ZNF292: variants seen among roughly 807,000 people sequenced by gnomAD.
ZNF292 encodes 16 zinc-finger domain protein.
In ZNF292, 26 loss-of-function variants were observed where a neutral mutation model predicts 217.9. That is an observed-to-expected ratio of 0.12 (90% CI 0.09 to 0.17). ZNF292 has a LOEUF of 0.17. Ranked by LOEUF, ZNF292 falls within the 10% of genes least tolerant of loss-of-function variation. The pLI is 1.00. For synonymous variants in ZNF292, 1,257 were observed against 1,124.1 expected (o/e 1.12, Z -2.37); for missense variants, 2,904 against 3,175.2 (o/e 0.91, Z 2.05).
In ZNF292 at chr6:87,255,162, T is replaced by A. The variant is rs189050998; in HGVS notation, c.1533T>A (p.Ile511=). The A allele has an allele frequency of 5.0e-6, 8 of 1,613,736 alleles. No individual in the cohort carries two copies. In the African/African-American group the frequency reaches 5.3e-5, roughly 11 times the overall value. Residue 511 remains isoleucine, a synonymous_variant, in exon 8 of 8, where the codon ATT becomes ATA. Transcript: ENST00000369577. ...VGANSGLLKD[I]GDEKQKKREI... is the part of the protein sequence containing the mutation. ...CTAATTCTGGCCTTCTTAAAGACATTGGTGATGAAAAGCAGAAGAAGAGAG... is the reference window on the plus strand; with the variant it reads ...CTAATTCTGGCCTTCTTAAAGACATAGGTGATGAAAAGCAGAAGAAGAGAG...
chr6:87,193,836 G>T (rs1316212826), intron 1 of ZNF292, among the ~76,000 whole-genome samples: 1 of 152,150 alleles, frequency 6.6e-6, no homozygotes, highest in Non-Finnish European at 1.5e-5. Context: ...TCCCATTAAT[G>T]TGTATGCAGA....
At chr6:87,180,665 G>A (rs1771445753) in intron 1 of ZNF292, among the ~76,000 whole-genome samples, 1 of 129,294 alleles carries the variant, frequency 7.7e-6, no homozygotes, top group Admixed American at 8.2e-5. Flanking sequence ...GCTCAACCTC[G>A]AGCCCCTTAA....
intron 1 of ZNF292, among the ~76,000 whole-genome samples, chr6:87,206,383 A>G (rs1562139555): frequency 6.6e-6 from 1 of 152,160 alleles, no homozygotes; most frequent in Non-Finnish European, 1.5e-5. Context: ...AAAGAATAGT[A>G]CCATGAATAC....
intron 1 of ZNF292, among the ~76,000 whole-genome samples, chr6:87,157,829 C>T (rs763666209): frequency 6.6e-6 from 1 of 152,208 alleles, no homozygotes; most frequent in African/African-American, 2.4e-5. Flanking sequence ...ACTGGGACTA[C>T]AGGCGTGCGC....
chr6:87,171,146 T>A (rs1771081923), intron 1 of ZNF292, among the ~76,000 whole-genome samples: 1 of 152,210 alleles, frequency 6.6e-6, no homozygotes, highest in African/African-American at 2.4e-5. Context: ...TAATAATTTA[T>A]AAAAGATACT....
At position 87,259,439 on chromosome 6, in the gene ZNF292, T is replaced by C. The variant is rs1775433694; in HGVS notation, c.5810T>C (p.Ile1937Thr). 6.3e-7 allele frequency: 1 copy of C among 1,593,292 alleles called. No homozygotes were observed. Among genetic ancestry groups the C allele is most frequent in the Non-Finnish European group, 8.6e-7 (1 of 1,168,586 alleles). ...TACACTCCAGAAATGATTCTTGAAATTAAGAAGAATCAATTGAAATTTGCT... is the reference window on the plus strand; with the variant it reads ...TACACTCCAGAAATGATTCTTGAAACTAAGAAGAATCAATTGAAATTTGCT... The part of the protein sequence containing the change: ...HQYTPEMILE[I>T]KKNQLKFAPF... The change falls in exon 8 of 8, where the codon ATT (isoleucine) becomes ACT (threonine). Residue 1937 changes from isoleucine to threonine, a missense_variant. Around this residue, in one of 15 missense-constraint regions of ZNF292, gnomAD observed 50 missense variants for 90.5 expected, o/e 0.55. Transcript: ENST00000369577.
chr6:87,176,716 T>G (rs1033894905), intron 1 of ZNF292, among the ~76,000 whole-genome samples: 1 of 152,182 alleles, frequency 6.6e-6, no homozygotes, highest in African/African-American at 2.4e-5. Context: ...AAGTGGTTCC[T>G]GATGACCTGG....
chr6:87,204,373 T>G (rs1772179641), intron 1 of ZNF292, among the ~76,000 whole-genome samples: 1 of 152,148 alleles, frequency 6.6e-6, no homozygotes, highest in African/African-American at 2.4e-5. Flanking sequence ...AATGTACTTG[T>G]TTGTAGGAAA....
intron 5 of ZNF292, among the ~76,000 whole-genome samples, chr6:87,243,003 A>G (rs916873474): frequency 3.3e-5 from 5 of 152,158 alleles, no homozygotes; most frequent in African/African-American, 1.2e-4. Flanking sequence ...TTTTTCCCTC[A>G]TGAATAGATA....
chr6:87,259,984 C>G lies in ZNF292; in HGVS notation c.6355C>G (p.Gln2119Glu). The G allele has an allele frequency of 1.2e-6, 2 of 1,613,596 alleles. No homozygotes were observed. The highest frequency in any genetic ancestry group is 1.7e-6 in the Non-Finnish European group (2 of 1,179,670). ...TTACAGACCTTATCGATGTGTTCAC[C>G]AGGGATGCTTTGCTGCCTTTACGAT... ...SPYRPYRCVHQGCFAAFTIQQ... is the reference protein window; with the variant it reads ...SPYRPYRCVHEGCFAAFTIQQ... Residue 2119 changes from glutamine to glutamate, a missense_variant, in exon 8 of 8, where the codon CAG (glutamine) becomes GAG (glutamate). Coordinates refer to ENST00000369577, the MANE Select transcript of ZNF292 (RefSeq NM_015021.3).
At chr6:87,218,519 G>A in intron 3 of ZNF292, 77 bp from the exon 4 acceptor site, 1 of 1,205,428 alleles carries the variant, frequency 8.3e-7, no homozygotes. Context: ...CAGAAGTTTA[G>A]TGTTATATTT....
intron 4 of ZNF292, among the ~76,000 whole-genome samples, chr6:87,220,131 A>C (rs148236176): frequency 3.3e-5 from 5 of 152,292 alleles, no homozygotes; most frequent in African/African-American, 1.2e-4. Context: ...CCAGCCTAAC[A>C]ATAAATTTAA....
intron 4 of ZNF292, among the ~76,000 whole-genome samples, chr6:87,230,237 A>G (rs1304675228): frequency 1.6e-5 from 2 of 124,702 alleles, no homozygotes; most frequent in Non-Finnish European, 3.6e-5. Flanking sequence ...AGATGCTGCA[A>G]AGGAAATCAT....
At chr6:87,215,350 A>C (rs1291839858) in intron 1 of ZNF292, among the ~76,000 whole-genome samples, 1 of 152,118 alleles carries the variant, frequency 6.6e-6, no homozygotes, top group African/African-American at 2.4e-5. Flanking sequence ...TAATATCTTT[A>C]ATGTTGATTT....
chr6:87,162,153 G>C (rs982760065), intron 1 of ZNF292, among the ~76,000 whole-genome samples: 4 of 152,150 alleles, frequency 2.6e-5, no homozygotes, highest in Non-Finnish European at 5.9e-5. Context: ...GGGGTATCAG[G>C]GAAGGCTTTC....
chr6:87,184,893 T>C (rs754841691), intron 1 of ZNF292, among the ~76,000 whole-genome samples: 28 of 152,228 alleles, frequency 1.8e-4, no homozygotes, highest in Non-Finnish European at 3.4e-4. Context: ...AGAAAAGTCT[T>C]GTCCTAACTC....
intron 7 of ZNF292, chr6:87,249,373 G>A (rs77807809): frequency 5.1e-5 from 22 of 427,482 alleles, no homozygotes; most frequent in Admixed American, 2.8e-4. Flanking sequence ...GTAATTCTCC[G>A]TGCCTTGGCC....
At chr6:87,225,943 G>A (rs1773324214) in intron 4 of ZNF292, among the ~76,000 whole-genome samples, 1 of 152,058 alleles carries the variant, frequency 6.6e-6, no homozygotes, top group African/African-American at 2.4e-5. Context: ...GTGTCATCTT[G>A]GGTTTTACTT....
At chr6:87,156,444 C>T (rs893794835) in intron 1 of ZNF292, among the ~76,000 whole-genome samples, 2 of 152,206 alleles carry the variant, frequency 1.3e-5, no homozygotes, top group African/African-American at 4.8e-5. Context: ...AGCTTTATCT[C>T]CTTAGTGTAG....
Sources: gnomAD v4.1 joint callset for allele counts (sites outside exome capture counted in the v4.1 genomes callset) on GRCh38, gnomAD v4.1.1 for gene constraint, gnomAD v4.1.1 regional missense constraint, MANE v1.5 for transcripts, NCBI Gene and HGNC (gene_info 2026-07-23, HGNC 2026-07-21) for gene names.